Variants in ETV6 observed in about 807,000 individuals in gnomAD.
The protein encoded by ETV6 is transcription factor ETV6.
ETV6 carries 16 observed loss-of-function variants against 51.1 expected under a neutral mutation model. That is an observed-to-expected ratio of 0.31 (90% CI 0.21 to 0.48). The LOEUF (loss-of-function observed/expected upper bound fraction) is 0.48, where lower values mean the gene tolerates loss of function less well. Among genes scored for constraint, ETV6 ranks in the 20% least tolerant of loss-of-function variants. ETV6 has a pLI of 0.99. For missense variants in ETV6, 458 were observed against 594.8 expected (o/e 0.77, Z 2.39); for synonymous variants, 240 against 224.1 (o/e 1.07, Z -0.64).
rs1332069609 is a variant in ETV6, at chr12:11,729,555, T to A, written c.34-22895T>A. ...AAGGAGATGTGACAGGAATAGCCAA[T>A]TTCCCTGTCCTGTTTGGTATGACTG... On this transcript the variant is annotated intron_variant, in intron 1 of 7. Coordinates refer to ENST00000396373, the MANE Select transcript of ETV6 (RefSeq NM_001987.5). Among the ~76,000 whole-genome samples the A allele has an allele frequency of 7.9e-5, 12 of 152,212 alleles. 1 individual carries two copies. The highest frequency in any genetic ancestry group is 1.3e-4 in the Admixed American group (2 of 15,284).
At chr12:11,855,667 C>A (rs183359046) in intron 4 of ETV6, among the ~76,000 whole-genome samples, 1 of 152,202 alleles carries the variant, frequency 6.6e-6, no homozygotes, top group South Asian at 2.1e-4. Flanking sequence ...GATGACACCA[C>A]CTCCTTGTGC....
chr12:11,712,131 C>T (rs1252476532), intron 1 of ETV6, among the ~76,000 whole-genome samples: 1 of 152,180 alleles, frequency 6.6e-6, no homozygotes, highest in African/African-American at 2.4e-5. Context: ...ATGCTCCCTT[C>T]ACCCCCCCAT....
At chr12:11,727,922 C>T (rs1194754730) in intron 1 of ETV6, among the ~76,000 whole-genome samples, 1 of 152,164 alleles carries the variant, frequency 6.6e-6, no homozygotes, top group African/African-American at 2.4e-5. Flanking sequence ...CGGGCTCAAG[C>T]AGTTCTCCTG....
chr12:11,658,767 TATATG>T (rs1159024822), intron 1 of ETV6, among the ~76,000 whole-genome samples: 4 of 152,230 alleles, frequency 2.6e-5, no homozygotes, highest in Non-Finnish European at 5.9e-5. Context: ...CAAGTGCAAT[TATATG>T]ATAATAGCAA....
intron 1 of ETV6, among the ~76,000 whole-genome samples, chr12:11,726,974 CA>C (rs1483992782): frequency 5.3e-5 from 8 of 152,142 alleles, no homozygotes; most frequent in Non-Finnish European, 1.2e-4. Context: ...GCTTTGGGAC[CA>C]AGTTACTTGT....
intron 1 of ETV6, among the ~76,000 whole-genome samples, chr12:11,673,307 A>G (rs1417474756): frequency 6.6e-6 from 1 of 152,116 alleles, no homozygotes; most frequent in East Asian, 1.9e-4. Flanking sequence ...GAATTTGGAG[A>G]TGTCCATGAA....
Position 11,892,200 on chromosome 12 carries a change from C to A in ETV6, c.*1154C>A, listed in dbSNP as rs1353767802. Reference sequence around the variant, plus strand: ...AGGCCATCTTGTGGTCAGTTTCATGCCCTCACCTGATTTTTTTTTTTTTTT... The same window carrying A: ...AGGCCATCTTGTGGTCAGTTTCATGACCTCACCTGATTTTTTTTTTTTTTT... On this transcript the variant is annotated 3_prime_UTR_variant, in exon 8 of 8. Coordinates refer to ENST00000396373, the MANE Select transcript of ETV6 (RefSeq NM_001987.5). 4.5e-6 allele frequency: 1 copy of A among 224,670 alleles called. No individual in the cohort carries two copies. The highest frequency in any genetic ancestry group is 8.5e-6 in the Non-Finnish European group (1 of 117,808). The allele number at this position is 224,670 out of a possible 1,614,324, so 13.9% of individuals were successfully genotyped here.
chr12:11,681,122 A>G (rs1439115612), intron 1 of ETV6, among the ~76,000 whole-genome samples: 1 of 152,130 alleles, frequency 6.6e-6, no homozygotes, highest in East Asian at 1.9e-4. Context: ...TCTAATATGG[A>G]TGGAGGAATA....
At chr12:11,696,957 CAT>C (rs1379548732) in intron 1 of ETV6, among the ~76,000 whole-genome samples, 5 of 152,184 alleles carry the variant, frequency 3.3e-5, no homozygotes, top group Non-Finnish European at 5.9e-5. Context: ...TTGGCTGACA[CAT>C]GATTGATATT....
At chr12:11,833,757 A>G (rs976466825) in intron 2 of ETV6, among the ~76,000 whole-genome samples, 1 of 152,196 alleles carries the variant, frequency 6.6e-6, no homozygotes, top group Admixed American at 6.5e-5. Flanking sequence ...CATAGCAATC[A>G]CTTGCTTACA....
At chr12:11,762,105 G>A (rs59843195) in intron 2 of ETV6, among the ~76,000 whole-genome samples, 2,459 of 152,240 alleles carry the variant, frequency 0.016, 48 homozygotes, top group African/African-American at 0.056. Context: ...GATTGAAATC[G>A]GGTTAATGCT....
At chr12:11,690,955 C>T (rs1383639616) in intron 1 of ETV6, among the ~76,000 whole-genome samples, 1 of 151,756 alleles carries the variant, frequency 6.6e-6, no homozygotes, top group Admixed American at 6.6e-5. Context: ...GTAGTCACTT[C>T]AGGCTGCTAT....
At chr12:11,676,139 C>T (rs899758693) in intron 1 of ETV6, among the ~76,000 whole-genome samples, 2 of 152,140 alleles carry the variant, frequency 1.3e-5, no homozygotes, top group Non-Finnish European at 2.9e-5. Flanking sequence ...TGGCTGATGG[C>T]TTTGGAGAGG....
chr12:11,793,624 G>T (rs1945636524), intron 2 of ETV6, among the ~76,000 whole-genome samples: 1 of 152,176 alleles, frequency 6.6e-6, no homozygotes, highest in Admixed American at 6.5e-5. Flanking sequence ...TTCAACCCAG[G>T]TCGGACTCTA....
At chr12:11,670,221 A>G (rs749288176) in intron 1 of ETV6, among the ~76,000 whole-genome samples, 31 of 152,246 alleles carry the variant, frequency 2.0e-4, no homozygotes, top group Non-Finnish European at 3.7e-4. Flanking sequence ...GAAGAAGGGA[A>G]AAACAGTAGA....
intron 1 of ETV6, chr12:11,751,792 G>T (rs572505064): frequency 4.1e-6 from 2 of 488,416 alleles, no homozygotes; most frequent in East Asian, 1.1e-4. Flanking sequence ...GAGATGGAGA[G>T]TAAAAGAACA....
At chr12:11,685,765 G>C (rs1359421959) in intron 1 of ETV6, among the ~76,000 whole-genome samples, 1 of 152,076 alleles carries the variant, frequency 6.6e-6, no homozygotes, top group Non-Finnish European at 1.5e-5. Context: ...ATAAAATGGG[G>C]CATTATGTTC....
chr12:11,822,894 TTGAG>T (rs767800975), intron 2 of ETV6, among the ~76,000 whole-genome samples: 3 of 152,330 alleles, frequency 2.0e-5, no homozygotes, highest in South Asian at 2.1e-4. Context: ...ATAATTCAGC[TTGAG>T]TATTTCAAAT....
At chr12:11,761,427 G>C (rs1945084611) in intron 2 of ETV6, among the ~76,000 whole-genome samples, 1 of 152,190 alleles carries the variant, frequency 6.6e-6, no homozygotes, top group African/African-American at 2.4e-5. Flanking sequence ...GAAGTAAAAA[G>C]AGGTTCCTTG....
Sources: allele counts gnomAD v4.1 joint callset (sites outside exome capture counted in the v4.1 genomes callset), GRCh38; gene constraint gnomAD v4.1.1; transcripts MANE v1.5; gene names NCBI Gene and HGNC (gene_info 2026-07-23, HGNC 2026-07-21).